ADGRL3: variants seen among roughly 807,000 people sequenced by gnomAD.
The protein encoded by ADGRL3 is adhesion G protein-coupled receptor L3.
In ADGRL3, 62 loss-of-function variants were observed where a neutral mutation model predicts 153.5. The ratio of observed to expected loss-of-function variants is 0.40; its 90% CI spans 0.33 to 0.50. The LOEUF is 0.50. Among genes scored for constraint, ADGRL3 ranks in the 20% least tolerant of loss-of-function variants. The probability of loss-of-function intolerance (pLI) is 0.47; values close to 1 mark genes in which losing one functional copy is unlikely to be tolerated. For synonymous variants in ADGRL3, 710 were observed against 672.5 expected, an observed-to-expected ratio of 1.06 and a Z score of -0.86; for missense variants, 1,641 against 1,859.4, an observed-to-expected ratio of 0.88 and a Z score of 2.16.
intron 2 of ADGRL3, among the ~76,000 whole-genome samples, chr4:61,481,300 G>T (rs550341548): frequency 3.3e-5 from 5 of 152,158 alleles, no homozygotes; most frequent in Admixed American, 6.5e-5. Flanking sequence ...AGAAAGTCAG[G>T]ATGGTGTTCT....
intron 5 of ADGRL3, among the ~76,000 whole-genome samples, chr4:61,622,106 G>A (rs1198902175): frequency 6.6e-6 from 1 of 152,108 alleles, no homozygotes; most frequent in Non-Finnish European, 1.5e-5. Flanking sequence ...ACAGAACAAG[G>A]AAACTTTGGG....
At chr4:61,817,713 G>A (rs2097703903) in intron 9 of ADGRL3, among the ~76,000 whole-genome samples, 1 of 152,216 alleles carries the variant, frequency 6.6e-6, no homozygotes, top group African/African-American at 2.4e-5. Flanking sequence ...CCACATGGCT[G>A]CGGAGGGCTC....
At position 61,230,054 on chromosome 4, in the gene ADGRL3, T is replaced by C. The variant is rs112106163; in HGVS notation, c.-240+28289T>C. ...AAAATGTCTTAAAGCTGGAATACCA[T>C]GTATCTTTCATCAGTATAATGTTAT... On this transcript the variant is annotated intron_variant, in intron 1 of 26. Coordinates refer to ENST00000683033, the MANE Select transcript of ADGRL3 (RefSeq NM_001387552.1). Among the ~76,000 whole-genome samples, 66 of 152,288 alleles carry C rather than the reference T, an allele frequency of 4.3e-4. 1 individual carries two copies. Among genetic ancestry groups the C allele is most frequent in the African/African-American group, 1.0e-3 (42 of 41,562 alleles).
At chr4:61,748,830 C>T (rs1425171411) in intron 8 of ADGRL3, among the ~76,000 whole-genome samples, 1 of 151,730 alleles carries the variant, frequency 6.6e-6, no homozygotes, top group South Asian at 2.1e-4. Flanking sequence ...ACACCAAAAG[C>T]AATGGCAACA....
intron 1 of ADGRL3, among the ~76,000 whole-genome samples, chr4:61,340,649 GTGGA>G (rs1409400676): frequency 6.6e-6 from 1 of 151,924 alleles, no homozygotes; most frequent in East Asian, 1.9e-4. Flanking sequence ...CTTATGCTAT[GTGGA>G]ATACCACTGC....
intron 21 of ADGRL3, among the ~76,000 whole-genome samples, chr4:62,006,032 A>ATATATATATATATTT (rs1203029363): frequency 2.7e-5 from 2 of 73,090 alleles, no homozygotes; most frequent in African/African-American, 9.9e-5. Flanking sequence ...ATATATATAT[A>ATATATATATATATTT]TTTTTTTTTT....
Position 61,423,041 on chromosome 4 carries a change from A to G in ADGRL3, c.-174+39852A>G, listed in dbSNP as rs540635731. 3.3e-5 allele frequency among the ~76,000 whole-genome samples: 5 copies of G among 152,170 alleles called. No individual in the cohort carries two copies. The South Asian group carries it at 1.0e-3, about 32-fold the overall frequency. On this transcript the variant is annotated intron_variant, in intron 2 of 26. Coordinates refer to ENST00000683033, the MANE Select transcript of ADGRL3 (RefSeq NM_001387552.1). ...TGAGAGACCTAAGTGAGCCTGTAGT[A>G]TGAGAGTTCTGATATCAATTTGGGG...
intron 21 of ADGRL3, among the ~76,000 whole-genome samples, chr4:62,003,268 T>C (rs960202338): frequency 6.6e-6 from 1 of 152,134 alleles, no homozygotes; most frequent in Non-Finnish European, 1.5e-5. Context: ...TCTCTCTCCT[T>C]AGGTTTTATA....
intron 9 of ADGRL3, among the ~76,000 whole-genome samples, chr4:61,855,558 A>G (rs1322279873): frequency 6.6e-6 from 1 of 152,152 alleles, no homozygotes; most frequent in African/African-American, 2.4e-5. Flanking sequence ...TTATTTTTTC[A>G]CTTTTTAAAA....
chr4:61,784,240 G>A (rs1012748299), intron 8 of ADGRL3, among the ~76,000 whole-genome samples: 2 of 152,114 alleles, frequency 1.3e-5, no homozygotes, highest in Admixed American at 1.3e-4. Context: ...GAATCAAATG[G>A]TTTTGAACAG....
At chr4:61,893,781 C>T (rs866369478) in intron 10 of ADGRL3, among the ~76,000 whole-genome samples, 1 of 134,584 alleles carries the variant, frequency 7.4e-6, no homozygotes, top group African/African-American at 2.8e-5. Flanking sequence ...AGCATGATCT[C>T]GGCTTACCCT....
intron 13 of ADGRL3, among the ~76,000 whole-genome samples, chr4:61,925,070 C>T (rs1003276934): frequency 6.6e-6 from 1 of 152,094 alleles, no homozygotes; most frequent in Admixed American, 6.6e-5. Context: ...TAATGATATA[C>T]AATTGTACTG....
intron 2 of ADGRL3, among the ~76,000 whole-genome samples, chr4:61,425,664 T>C (rs1169328126): frequency 6.6e-6 from 1 of 152,340 alleles, no homozygotes; most frequent in East Asian, 1.9e-4. Context: ...CTATCTGTGC[T>C]AAAGTTACTG....
intron 9 of ADGRL3, among the ~76,000 whole-genome samples, chr4:61,862,658 G>A (rs2098355044): frequency 6.6e-6 from 1 of 152,150 alleles, no homozygotes. Flanking sequence ...AATTCAGAGT[G>A]TGATCCCTGG....
At chr4:61,576,889 T>C (rs2098888307) in intron 4 of ADGRL3, among the ~76,000 whole-genome samples, 2 of 151,870 alleles carry the variant, frequency 1.3e-5, no homozygotes, top group African/African-American at 4.8e-5. Context: ...AATTGTCCAA[T>C]TCTGAATGGG....
chr4:61,979,530 G>T (rs781193291), intron 17 of ADGRL3, 33 bp from the exon 18 acceptor site: 2 of 1,596,656 alleles, frequency 1.3e-6, no homozygotes, highest in Non-Finnish European at 1.7e-6. Context: ...TTATGCATAA[G>T]CGCAACTTAT....
At chr4:61,921,514 G>A (rs2098769127) in intron 13 of ADGRL3, among the ~76,000 whole-genome samples, 1 of 152,120 alleles carries the variant, frequency 6.6e-6, no homozygotes, top group East Asian at 1.9e-4. Flanking sequence ...TGCCTCCCGG[G>A]TTCAAGCGCT....
intron 2 of ADGRL3, among the ~76,000 whole-genome samples, chr4:61,442,985 TTAATA>T (rs1193467167): frequency 6.6e-6 from 1 of 152,126 alleles, no homozygotes; most frequent in East Asian, 1.9e-4. Flanking sequence ...TAAGTTATGT[TTAATA>T]TAATGTATCT....
chr4:61,345,842 T>C (rs941056485), intron 1 of ADGRL3, among the ~76,000 whole-genome samples: 123 of 152,278 alleles, frequency 8.1e-4, no homozygotes, highest in African/African-American at 2.7e-3. Context: ...CCAAAACTGG[T>C]CTAGACAGTC....
Sources: gnomAD v4.1 joint callset for allele counts (sites outside exome capture counted in the v4.1 genomes callset) on GRCh38, gnomAD v4.1.1 for gene constraint, MANE v1.5 for transcripts, NCBI Gene and HGNC (gene_info 2026-07-23, HGNC 2026-07-21) for gene names.